PTPRD: variants seen among roughly 807,000 people sequenced by gnomAD.
PTPRD encodes the protein protein tyrosine phosphatase receptor type D.
In PTPRD, 34 loss-of-function variants were observed where a neutral mutation model predicts 214.5. That is an observed-to-expected ratio of 0.16 (90% CI 0.12 to 0.21). The LOEUF is 0.21. PTPRD is among the 10% of genes least tolerant of loss of function. The probability of loss-of-function intolerance (pLI) is 1.00; values close to 1 mark genes in which losing one functional copy is unlikely to be tolerated. For synonymous variants in PTPRD, 1,128 were observed against 845.7 expected (o/e 1.33, Z -5.79); for missense variants, 2,545 against 2,398.7 (o/e 1.06, Z -1.27).
chr9:9,060,503 G>T (rs1191083457), intron 10 of PTPRD, among the ~76,000 whole-genome samples: 1 of 151,958 alleles, frequency 6.6e-6, no homozygotes, highest in Non-Finnish European at 1.5e-5. Context: ...AATTTAAAAT[G>T]ATACTAATTA....
At chr9:9,885,523 A>G (rs2070519600) in intron 5 of PTPRD, among the ~76,000 whole-genome samples, 1 of 152,026 alleles carries the variant, frequency 6.6e-6, no homozygotes, top group African/African-American at 2.4e-5. Flanking sequence ...TGGCAAACGG[A>G]CTTTGCAGAT....
At chr9:9,017,066 A>T (rs576336088) in intron 11 of PTPRD, among the ~76,000 whole-genome samples, 1 of 152,186 alleles carries the variant, frequency 6.6e-6, no homozygotes, top group South Asian at 2.1e-4. Context: ...AATCATAAAT[A>T]ACCAAATAAT....
rs560130179 is a variant in PTPRD at position 8,401,928 on chromosome 9, C to T, written c.4210+2609G>A. 2.0e-5 allele frequency among the ~76,000 whole-genome samples: 3 copies of T among 152,190 alleles called. No homozygotes were observed. In the East Asian group the frequency reaches 5.8e-4, roughly 29 times the overall value. On this transcript the variant is annotated intron_variant, in intron 36 of 45. Transcript: ENST00000381196. Reference sequence around the variant, plus strand: ...AGCACATTAAGTTTTATAAATTGTGCATGAAGTCACTTAATATTTCAGTAT... The same window carrying T: ...AGCACATTAAGTTTTATAAATTGTGTATGAAGTCACTTAATATTTCAGTAT...
At chr9:9,493,153 A>T (rs1019104846) in intron 8 of PTPRD, among the ~76,000 whole-genome samples, 5 of 151,990 alleles carry the variant, frequency 3.3e-5, no homozygotes, top group African/African-American at 2.4e-5. Flanking sequence ...AAAGAGCTAT[A>T]GAAGCCAATT....
intron 2 of PTPRD, among the ~76,000 whole-genome samples, chr9:10,519,769 G>C (rs995833018): frequency 6.6e-6 from 1 of 151,946 alleles, no homozygotes; most frequent in African/African-American, 2.4e-5. Context: ...TTTGTGATCA[G>C]AGAATCTTTG....
chr9:10,422,993 G>A lies in PTPRD; in HGVS notation c.-599-81976C>T, dbSNP rs908760399. On this transcript the variant is annotated intron_variant, in intron 2 of 45. Transcript: ENST00000381196. ...GGATTATAAATCATGCCACTATAAA[G>A]ACACATGCACACATATGTTTATTGT... Among the ~76,000 whole-genome samples the A allele has an allele frequency of 2.0e-5, 3 of 152,062 alleles. No individual in the cohort carries two copies. In the East Asian group the frequency reaches 5.8e-4, roughly 29 times the overall value.
At position 10,026,752 on chromosome 9, in the gene PTPRD, A is replaced by G. The variant is rs376082778; in HGVS notation, c.-472+6966T>C. ...TATGTATCATGACTTTGACACAACC[A>G]TCACGGTGGGGACTGGATTCCATGT... On this transcript the variant is annotated intron_variant, in intron 4 of 45. Coordinates refer to ENST00000381196, the MANE Select transcript of PTPRD (RefSeq NM_002839.4). 1.4e-4 allele frequency among the ~76,000 whole-genome samples: 21 copies of G among 152,110 alleles called. No homozygotes were observed. In the East Asian group the frequency reaches 2.1e-3, roughly 15 times the overall value.
rs1339902270 is a variant in PTPRD, at chr9:10,442,692, T to A, written c.-599-101675A>T. ...TCATTTGAAAATTTGTAGGTTAGAG[T>A]ACATTTACAAGGGGAAAACAAGGCA... On this transcript the variant is annotated intron_variant, in intron 2 of 45. Transcript: ENST00000381196. 4.0e-5 allele frequency among the ~76,000 whole-genome samples: 6 copies of A among 151,698 alleles called. No homozygotes were observed. The East Asian group carries it at 1.2e-3, about 29-fold the overall frequency.
chr9:8,917,455 T>C (rs1439513010), intron 11 of PTPRD, among the ~76,000 whole-genome samples: 1 of 152,072 alleles, frequency 6.6e-6, no homozygotes, highest in Non-Finnish European at 1.5e-5. Context: ...AGATTGTTTC[T>C]ATTTTCCTCT....
chr9:9,777,694 C>G (rs1348046522), intron 5 of PTPRD, among the ~76,000 whole-genome samples: 2 of 152,046 alleles, frequency 1.3e-5, no homozygotes, highest in East Asian at 1.9e-4. Flanking sequence ...GAGCCTCTAT[C>G]TCAACAACAA....
At chr9:10,234,796 A>G (rs983557644) in intron 3 of PTPRD, among the ~76,000 whole-genome samples, 17 of 151,972 alleles carry the variant, frequency 1.1e-4, no homozygotes, top group African/African-American at 3.9e-4. Context: ...AATAAGAGCC[A>G]AACTGAAATA....
At chr9:10,052,796 T>A (rs751472979) in intron 3 of PTPRD, among the ~76,000 whole-genome samples, 2 of 152,142 alleles carry the variant, frequency 1.3e-5, no homozygotes, top group African/African-American at 2.4e-5. Context: ...CAACTATTCA[T>A]CTACTCTACT....
chr9:10,459,662 CT>C lies in PTPRD; in HGVS notation c.-599-118646del, dbSNP rs1022860509. On this transcript the variant is annotated intron_variant, in intron 2 of 45. Coordinates refer to ENST00000381196, the MANE Select transcript of PTPRD (RefSeq NM_002839.4). The stretch of plus-strand genomic sequence containing the variant: ...TTCTCTAACGACCCGTGATGAAGAG[CT>C]TTTTTTTTTTCATACGTTTGTTGGT... Among the ~76,000 whole-genome samples the C allele has an allele frequency of 7.9e-4, 116 of 147,092 alleles. 2 individuals carry two copies. Among genetic ancestry groups the C allele is most frequent in the East Asian group, 6.1e-3 (31 of 5,060 alleles).
intron 5 of PTPRD, among the ~76,000 whole-genome samples, chr9:9,835,490 G>A (rs1275902643): frequency 2.6e-5 from 4 of 152,092 alleles, no homozygotes; most frequent in Non-Finnish European, 5.9e-5. Context: ...TTGGCACACT[G>A]GAATAGAGTA....
intron 9 of PTPRD, among the ~76,000 whole-genome samples, chr9:9,216,001 A>T (rs556873249): frequency 2.9e-4 from 44 of 152,138 alleles, no homozygotes; most frequent in Non-Finnish European, 5.1e-4. Flanking sequence ...ACCTGTATAA[A>T]CATTGGCAGT....
rs542151024 is a variant in PTPRD at position 10,412,544 on chromosome 9, G to T, written c.-599-71527C>A. Among the ~76,000 whole-genome samples, 179 of 151,430 alleles carry T rather than the reference G, an allele frequency of 1.2e-3. 2 individuals are homozygous for T. Among genetic ancestry groups the T allele is most frequent in the African/African-American group, 4.1e-3 (169 of 41,324 alleles). ...AACTATTCTTTAAAAATTGAGGCTG[G>T]ACACTTCCCCAGCTCATTTTATGAG... On this transcript the variant is annotated intron_variant, in intron 2 of 45. Transcript: ENST00000381196.
Position 9,766,790 on chromosome 9 carries a change from T to A in PTPRD, c.-326+20A>T, listed in dbSNP as rs1029914997. On this transcript the variant is annotated intron_variant, in intron 6 of 45. Coordinates refer to ENST00000381196, the MANE Select transcript of PTPRD (RefSeq NM_002839.4). ...CTTCATTTATGGAGAAATTTTAAAA[T>A]ATATTTTAAATATACTCACCTTTGT... is the stretch of plus-strand genomic sequence containing the variant. 3.9e-5 allele frequency: 6 copies of A among 152,510 alleles called. No homozygotes were observed. The highest frequency in any genetic ancestry group is 8.8e-5 in the Non-Finnish European group (6 of 67,976). The allele number at this position is 152,510 out of a possible 1,614,324, so 9.4% of individuals were successfully genotyped here.
At chr9:9,181,145 G>A (rs1014042403) in intron 10 of PTPRD, among the ~76,000 whole-genome samples, 1 of 151,852 alleles carries the variant, frequency 6.6e-6, no homozygotes, top group South Asian at 2.1e-4. Flanking sequence ...ATCATATGAA[G>A]ATAACATAGA....
At chr9:10,093,316 T>C (rs1029503991) in intron 3 of PTPRD, among the ~76,000 whole-genome samples, 1 of 151,522 alleles carries the variant, frequency 6.6e-6, no homozygotes, top group South Asian at 2.1e-4. Flanking sequence ...TAAGATGACA[T>C]ACAAATGGCC....
Sources: gnomAD v4.1 joint callset for allele counts (sites outside exome capture counted in the v4.1 genomes callset) on GRCh38, gnomAD v4.1.1 for gene constraint, MANE v1.5 for transcripts, NCBI Gene and HGNC (gene_info 2026-07-23, HGNC 2026-07-21) for gene names.